CLEC16A: variants seen among roughly 807,000 people sequenced by gnomAD.
CLEC16A encodes the protein protein CLEC16A.
Under a neutral mutation model 109.5 loss-of-function variants are expected in CLEC16A, and 51 were observed. The observed-to-expected ratio is 0.47, with a 90% CI of 0.37 to 0.59. The LOEUF (loss-of-function observed/expected upper bound fraction) is 0.59. CLEC16A is among the 20% of genes least tolerant of loss of function. The pLI is 0.00. For missense variants in CLEC16A, 1,339 were observed against 1,394.0 expected, an observed-to-expected ratio of 0.96 and a Z score of 0.63; for synonymous variants, 673 against 564.2, an observed-to-expected ratio of 1.19 and a Z score of -2.73.
At chr16:10,963,121 C>G (rs1171877409) in intron 3 of CLEC16A, among the ~76,000 whole-genome samples, 1 of 152,114 alleles carries the variant, frequency 6.6e-6, no homozygotes, top group Non-Finnish European at 1.5e-5. Context: ...AGTGAGGGCT[C>G]TCTTCCTGGC....
At position 11,181,197 on chromosome 16, in the gene CLEC16A, G is replaced by A. The variant is rs200351011; in HGVS notation, c.*2507G>A. ...CCACCTCACCCAGGTCTCAGCGGCA[G>A]TGGGCACAGCTATGTCTTCAGGAGC... On this transcript the variant is annotated 3_prime_UTR_variant, in exon 24 of 24. Transcript: ENST00000409790. 1 of 152,450 alleles carries A rather than the reference G, an allele frequency of 6.6e-6. No homozygotes were observed. The highest frequency in any genetic ancestry group is 1.5e-5 in the Non-Finnish European group (1 of 68,198). 9.4% of individuals were successfully genotyped at this position (152,450 alleles called of 1,614,324 possible).
At chr16:11,149,546 CTT>C (rs1169142237) in intron 22 of CLEC16A, among the ~76,000 whole-genome samples, 1 of 152,028 alleles carries the variant, frequency 6.6e-6, no homozygotes, top group Non-Finnish European at 1.5e-5. Context: ...AATCTCAACA[CTT>C]TGGGAGGCTG....
chr16:11,045,384 T>G lies in CLEC16A; in HGVS notation c.1815+1312T>G, dbSNP rs186557205. On this transcript the variant is annotated intron_variant, in intron 16 of 23. Transcript: ENST00000409790. ...AAAAGAAATTTACTTCTGTCAGTTTTGGAGGCTGGGAAGTCTAAGATCAAG... is the reference window on the plus strand; with the variant it reads ...AAAAGAAATTTACTTCTGTCAGTTTGGGAGGCTGGGAAGTCTAAGATCAAG... Among the ~76,000 whole-genome samples the G allele has an allele frequency of 2.6e-5, 4 of 152,272 alleles. No individual in the cohort carries two copies. The East Asian group carries it at 7.7e-4, about 29-fold the overall frequency.
At chr16:11,028,603 A>G (rs1297096672) in intron 13 of CLEC16A, among the ~76,000 whole-genome samples, 1 of 148,482 alleles carries the variant, frequency 6.7e-6, no homozygotes, top group Non-Finnish European at 1.5e-5. Context: ...AGCTTTGATC[A>G]TTGATTTTTT....
intron 18 of CLEC16A, among the ~76,000 whole-genome samples, chr16:11,055,778 G>C (rs564305749): frequency 3.3e-5 from 5 of 151,560 alleles, no homozygotes; most frequent in African/African-American, 9.7e-5. Flanking sequence ...TAGAGACTGG[G>C]TTTCCCCAGT....
At chr16:11,017,023 G>A (rs957098511) in intron 11 of CLEC16A, among the ~76,000 whole-genome samples, 2 of 150,292 alleles carry the variant, frequency 1.3e-5, no homozygotes, top group East Asian at 3.9e-4. Flanking sequence ...GCTCCTCCAT[G>A]CCAAGGGGTG....
At chr16:10,978,087 C>A (rs553172004) in intron 8 of CLEC16A, among the ~76,000 whole-genome samples, 29 of 152,164 alleles carry the variant, frequency 1.9e-4, no homozygotes, top group Non-Finnish European at 1.2e-4. Flanking sequence ...ACAGAACTTG[C>A]GCAGCATGGA....
At chr16:11,009,038 A>C (rs924776227) in intron 11 of CLEC16A, among the ~76,000 whole-genome samples, 1 of 152,096 alleles carries the variant, frequency 6.6e-6, no homozygotes, top group Non-Finnish European at 1.5e-5. Flanking sequence ...TATAACCATC[A>C]CCACCATCTG....
At chr16:11,008,214 C>A (rs2045157762) in intron 11 of CLEC16A, among the ~76,000 whole-genome samples, 1 of 152,128 alleles carries the variant, frequency 6.6e-6, no homozygotes, top group Non-Finnish European at 1.5e-5. Flanking sequence ...GGTCTTATTC[C>A]CCTCTTGCCA....
At chr16:10,994,871 C>A (rs765492107) in intron 10 of CLEC16A, among the ~76,000 whole-genome samples, 3 of 152,102 alleles carry the variant, frequency 2.0e-5, no homozygotes, top group African/African-American at 7.2e-5. Context: ...TCAGTGCTCC[C>A]GGGAGGCTGG....
At chr16:10,971,497 G>C in intron 5 of CLEC16A, 1 of 966,846 alleles carries the variant, frequency 1.0e-6, no homozygotes. Context: ...GGGATTCAGA[G>C]TGGCTATGTT....
At chr16:11,121,291 C>G (rs1423747607) in intron 20 of CLEC16A, among the ~76,000 whole-genome samples, 1 of 152,184 alleles carries the variant, frequency 6.6e-6, no homozygotes, top group African/African-American at 2.4e-5. Flanking sequence ...GCCGTGTCGG[C>G]TATTTCCAGT....
intron 22 of CLEC16A, among the ~76,000 whole-genome samples, chr16:11,142,250 G>A (rs1462733633): frequency 2.0e-5 from 3 of 152,216 alleles, no homozygotes; most frequent in East Asian, 1.9e-4. Flanking sequence ...CAGTGTCCAG[G>A]GATCCTCCTC....
intron 9 of CLEC16A, among the ~76,000 whole-genome samples, chr16:10,980,340 G>A (rs7187157): frequency 0.045 from 6,805 of 152,080 alleles, 549 homozygotes; most frequent in African/African-American, 0.16. Flanking sequence ...TCTGAATGCC[G>A]CTCTGTACGA....
chr16:11,075,543 C>T (rs532161072), intron 19 of CLEC16A, among the ~76,000 whole-genome samples: 1 of 151,994 alleles, frequency 6.6e-6, no homozygotes, highest in South Asian at 2.1e-4. Context: ...CTCAAGGGCT[C>T]CTCCCACCTT....
intron 22 of CLEC16A, among the ~76,000 whole-genome samples, chr16:11,142,383 G>C (rs189805830): frequency 1.3e-5 from 2 of 152,210 alleles, no homozygotes; most frequent in South Asian, 4.1e-4. Context: ...CTGTCAGAGC[G>C]CTGTGATCAA....
chr16:11,042,292 C>G lies in CLEC16A; in HGVS notation c.1699C>G (p.Leu567Val), dbSNP rs201983240. 8 of 1,591,052 alleles carry G rather than the reference C, an allele frequency of 5.0e-6. No individual in the cohort carries two copies. Among genetic ancestry groups the G allele is most frequent in the Non-Finnish European group, 6.8e-6 (8 of 1,169,218 alleles). The change falls in exon 15 of 24, where the codon CTG (leucine) becomes GTG (valine). Residue 567 changes from leucine (L) to valine (V), a missense_variant. By Grantham distance (32) the Leu-to-Val change is conservative. Transcript: ENST00000409790. ...IRLATLELSC[L>V]LLKQQVLMSA... The stretch of plus-strand genomic sequence containing the variant: ...GCTGGCGACGCTGGAGCTGAGCTGC[C>G]TGCTTCTGAAGCAGCAAGTCCTGAT...
intron 10 of CLEC16A, among the ~76,000 whole-genome samples, chr16:11,001,477 A>G (rs1036618065): frequency 1.3e-5 from 2 of 152,166 alleles, no homozygotes; most frequent in African/African-American, 2.4e-5. Flanking sequence ...GGAATTGGCA[A>G]GCCCCAGTAA....
intron 10 of CLEC16A, among the ~76,000 whole-genome samples, chr16:10,997,886 G>C (rs984405676): frequency 1.3e-5 from 2 of 152,172 alleles, no homozygotes; most frequent in African/African-American, 4.8e-5. Context: ...ATTGTTGATT[G>C]ATTGCAACTT....
Sources: allele counts gnomAD v4.1 joint callset (sites outside exome capture counted in the v4.1 genomes callset), GRCh38; gene constraint gnomAD v4.1.1; transcripts MANE v1.5; gene names NCBI Gene and HGNC (gene_info 2026-07-23, HGNC 2026-07-21).